DNAJC1: variants seen among roughly 807,000 people sequenced by gnomAD.
DNAJC1 encodes the protein DnaJ heat shock protein family (Hsp40) member C1.
DNAJC1 carries 58 observed loss-of-function variants against 76.6 expected under a neutral mutation model. That is an observed-to-expected ratio of 0.76 (90% CI 0.61 to 0.94). The LOEUF (loss-of-function observed/expected upper bound fraction) is 0.94. Among genes scored for constraint, DNAJC1 ranks in the 40% least tolerant of loss-of-function variants. The probability of loss-of-function intolerance (pLI) is 0.00; values close to 1 mark genes in which losing one functional copy is unlikely to be tolerated. For missense variants in DNAJC1, 689 were observed against 677.3 expected, an observed-to-expected ratio of 1.02 and a Z score of -0.19; for synonymous variants, 258 against 267.9, an observed-to-expected ratio of 0.96 and a Z score of 0.36.
chr10:21,898,412 CAT>C (rs1836581805), intron 7 of DNAJC1, among the ~76,000 whole-genome samples: 1 of 152,128 alleles, frequency 6.6e-6, no homozygotes, highest in Admixed American at 6.6e-5. Flanking sequence ...ATGCATTACT[CAT>C]GTGTCGTAGT....
chr10:21,813,202 CT>C (rs1835009063), intron 8 of DNAJC1, among the ~76,000 whole-genome samples: 1 of 79,530 alleles, frequency 1.3e-5, no homozygotes, highest in Admixed American at 1.3e-4. Context: ...CTCTCTCTCT[CT>C]CTCTCTCTCT....
intron 8 of DNAJC1, among the ~76,000 whole-genome samples, chr10:21,829,656 C>T (rs1835324072): frequency 6.6e-6 from 1 of 152,226 alleles, no homozygotes; most frequent in African/African-American, 2.4e-5. Flanking sequence ...TGGGCCCATC[C>T]CTTTACTTTC....
intron 1 of DNAJC1, among the ~76,000 whole-genome samples, chr10:21,963,949 A>G (rs917754150): frequency 6.6e-6 from 1 of 152,056 alleles, no homozygotes; most frequent in African/African-American, 2.4e-5. Flanking sequence ...CTAAACTCTT[A>G]GGGACCACAG....
intron 8 of DNAJC1, among the ~76,000 whole-genome samples, chr10:21,862,663 A>G (rs1421856151): frequency 6.6e-6 from 1 of 151,710 alleles, no homozygotes; most frequent in Non-Finnish European, 1.5e-5. Flanking sequence ...GCCTGATCTC[A>G]GGTGATCCAA....
chr10:21,829,266 G>C (rs1341186327), intron 8 of DNAJC1, among the ~76,000 whole-genome samples: 1 of 151,862 alleles, frequency 6.6e-6, no homozygotes, highest in Non-Finnish European at 1.5e-5. Context: ...CCAGGCTGGA[G>C]TGCAGTGGCG....
intron 8 of DNAJC1, among the ~76,000 whole-genome samples, chr10:21,855,910 T>C (rs1483326208): frequency 1.3e-5 from 2 of 152,090 alleles, no homozygotes; most frequent in East Asian, 3.9e-4. Flanking sequence ...ATTAAGGGAC[T>C]ACAGAATAAT....
At chr10:21,989,399 T>C (rs1838296470) in intron 1 of DNAJC1, among the ~76,000 whole-genome samples, 1 of 152,318 alleles carries the variant, frequency 6.6e-6, no homozygotes, top group East Asian at 1.9e-4. Flanking sequence ...TAAGCATCTC[T>C]GTAGACAAAA....
At chr10:21,842,174 C>T (rs1479524277) in intron 8 of DNAJC1, among the ~76,000 whole-genome samples, 2 of 151,212 alleles carry the variant, frequency 1.3e-5, no homozygotes, top group East Asian at 3.9e-4. Context: ...GTGCAGCACA[C>T]CAACATGGCA....
chr10:21,844,065 A>G (rs1376381641), intron 8 of DNAJC1, among the ~76,000 whole-genome samples: 1 of 152,156 alleles, frequency 6.6e-6, no homozygotes, highest in Non-Finnish European at 1.5e-5. Flanking sequence ...GCTGCCATGT[A>G]AGATGTGTCT....
At chr10:21,842,185 C>A (rs1022087833) in intron 8 of DNAJC1, among the ~76,000 whole-genome samples, 1 of 150,888 alleles carries the variant, frequency 6.6e-6, no homozygotes, top group Non-Finnish European at 1.5e-5. Flanking sequence ...CAACATGGCA[C>A]ATGTATACAT....
chr10:21,886,919 C>T (rs1836375075), intron 7 of DNAJC1, among the ~76,000 whole-genome samples: 1 of 152,006 alleles, frequency 6.6e-6, no homozygotes, highest in Non-Finnish European at 1.5e-5. Context: ...AGAAATAAAG[C>T]ACATTCAAAT....
At chr10:21,856,740 A>T (rs1014007169) in intron 8 of DNAJC1, among the ~76,000 whole-genome samples, 4 of 151,918 alleles carry the variant, frequency 2.6e-5, no homozygotes, top group Non-Finnish European at 5.9e-5. Flanking sequence ...TAGAAAAAAA[A>T]ATTTTTTTTT....
At chr10:21,781,812 G>A (rs1834532671) in intron 9 of DNAJC1, among the ~76,000 whole-genome samples, 6 of 151,036 alleles carry the variant, frequency 4.0e-5, no homozygotes, top group Admixed American at 2.6e-4. Flanking sequence ...GGTACATAAC[G>A]AAATGAAGGC....
Position 21,813,086 on chromosome 10 carries a change from T to TAC in DNAJC1, c.979-6989_979-6988dup, listed in dbSNP as rs1165532400. On this transcript the variant is annotated intron_variant, in intron 8 of 11. Coordinates refer to ENST00000376980, the MANE Select transcript of DNAJC1 (RefSeq NM_022365.4). ...ACATATATACATATATATACATATA[T>TAC]ACACACACACATATATATATATATA... is the stretch of plus-strand genomic sequence containing the variant. Among the ~76,000 whole-genome samples the TAC allele has an allele frequency of 1.4e-3, 117 of 84,266 alleles. 1 individual carries two copies. The highest frequency in any genetic ancestry group is 5.0e-3 in the African/African-American group (105 of 21,174). 55.3% of individuals were successfully genotyped at this position (84,266 alleles called of 152,430 possible).
At chr10:21,807,149 G>A (rs1053771430) in intron 8 of DNAJC1, among the ~76,000 whole-genome samples, 25 of 152,186 alleles carry the variant, frequency 1.6e-4, no homozygotes, top group African/African-American at 6.0e-4. Flanking sequence ...AAAGAATAAA[G>A]AAAAAGAAAG....
chr10:21,789,220 G>C, intron 9 of DNAJC1, among the ~76,000 whole-genome samples: 1 of 152,152 alleles, frequency 6.6e-6, no homozygotes, highest in East Asian at 1.9e-4. Flanking sequence ...CCACAACCAC[G>C]AATGTCTACA....
intron 8 of DNAJC1, among the ~76,000 whole-genome samples, chr10:21,852,628 T>A (rs543433007): frequency 6.6e-6 from 1 of 152,302 alleles, no homozygotes; most frequent in African/African-American, 2.4e-5. Flanking sequence ...AACTGGTGGA[T>A]GTATAAATTG....
intron 8 of DNAJC1, among the ~76,000 whole-genome samples, chr10:21,856,557 A>T (rs1449062853): frequency 6.6e-6 from 1 of 152,134 alleles, no homozygotes. Flanking sequence ...ACACCATTAA[A>T]ACTGGCAACT....
chr10:21,777,059 G>A (rs541315227), intron 9 of DNAJC1, among the ~76,000 whole-genome samples: 1 of 152,220 alleles, frequency 6.6e-6, no homozygotes, highest in Non-Finnish European at 1.5e-5. Context: ...GTACAAATCA[G>A]AGTAATAAAA....
Sources: gnomAD v4.1 joint callset for allele counts (sites outside exome capture counted in the v4.1 genomes callset) on GRCh38, gnomAD v4.1.1 for gene constraint, MANE v1.5 for transcripts, NCBI Gene and HGNC (gene_info 2026-07-23, HGNC 2026-07-21) for gene names.